CTNNA2: variants seen among roughly 807,000 people sequenced by gnomAD.
CTNNA2 encodes the protein catenin alpha 2.
A neutral mutation model predicts 101.0 loss-of-function variants in CTNNA2; 42 were observed. The ratio of observed to expected loss-of-function variants is 0.42; its 90% CI spans 0.32 to 0.54. The LOEUF (loss-of-function observed/expected upper bound fraction) is 0.54. Among genes scored for constraint, CTNNA2 ranks in the 20% least tolerant of loss-of-function variants. The probability of loss-of-function intolerance (pLI) is 0.14; values close to 1 mark genes in which losing one functional copy is unlikely to be tolerated. For synonymous variants in CTNNA2, 450 were observed against 456.4 expected (o/e 0.99, Z 0.18); for missense variants, 871 against 1,223.1 (o/e 0.71, Z 4.29).
chr2:79,867,232 C>G (rs1438129205), intron 4 of CTNNA2, among the ~76,000 whole-genome samples: 2 of 152,150 alleles, frequency 1.3e-5, no homozygotes, highest in Non-Finnish European at 2.9e-5. Flanking sequence ...AAATCCTTGA[C>G]TGTTCAAAAA....
chr2:79,415,567 G>A (rs1678469936), intron 4 of CTNNA2, among the ~76,000 whole-genome samples: 1 of 152,082 alleles, frequency 6.6e-6, no homozygotes, highest in South Asian at 2.1e-4. Flanking sequence ...TCATCCTTAT[G>A]TCACATAAAC....
chr2:79,405,294 G>C (rs972041453), intron 4 of CTNNA2, among the ~76,000 whole-genome samples: 2 of 151,994 alleles, frequency 1.3e-5, no homozygotes, highest in Admixed American at 1.3e-4. Flanking sequence ...AGGGTCAGGT[G>C]AGACTGCAGC....
intron 7 of CTNNA2, among the ~76,000 whole-genome samples, chr2:79,982,879 T>C (rs184025347): frequency 6.6e-6 from 1 of 152,244 alleles, no homozygotes; most frequent in Admixed American, 6.5e-5. Context: ...CAAATTTGAC[T>C]GATGGATTAA....
At chr2:80,347,838 C>CTTTTTTTTTTTT (rs778989197) in intron 7 of CTNNA2, among the ~76,000 whole-genome samples, 1 of 146,786 alleles carries the variant, frequency 6.8e-6, no homozygotes. Flanking sequence ...TTTTTCTTTT[C>CTTTTTTTTTTTT]TTTTCTTTTT....
In CTNNA2 at chr2:79,492,383, T is replaced by C. The variant is rs549755446; in HGVS notation, c.-134-12671T>C. Among the ~76,000 whole-genome samples, 13 of 152,020 alleles carry C rather than the reference T, an allele frequency of 8.6e-5. No individual in the cohort carries two copies. In the East Asian group the frequency reaches 2.5e-3, roughly 29 times the overall value. On this transcript the variant is annotated intron_variant, in intron 4 of 21. Transcript: ENST00000466387. ...CATTTATAAGAATTATATAATAATATGGTAGATTTTCTATCTAATCAGACA... is the reference window on the plus strand; with the variant it reads ...CATTTATAAGAATTATATAATAATACGGTAGATTTTCTATCTAATCAGACA...
chr2:79,375,645 T>C (rs1677962689), intron 4 of CTNNA2, among the ~76,000 whole-genome samples: 1 of 152,174 alleles, frequency 6.6e-6, no homozygotes, highest in Admixed American at 6.5e-5. Flanking sequence ...AAATGAATGA[T>C]ATTAAAGAAA....
chr2:80,061,443 A>G (rs1425548052), intron 7 of CTNNA2, among the ~76,000 whole-genome samples: 1 of 152,192 alleles, frequency 6.6e-6, no homozygotes, highest in East Asian at 1.9e-4. Context: ...ACAATGAGCA[A>G]CTAACATTAT....
intron 7 of CTNNA2, among the ~76,000 whole-genome samples, chr2:80,360,698 A>G (rs1432805120): frequency 2.0e-5 from 3 of 152,116 alleles, no homozygotes; most frequent in Non-Finnish European, 4.4e-5. Context: ...CTAGAACAGA[A>G]GTACAAGTGA....
chr2:79,730,794 A>C (rs904905612), intron 2 of CTNNA2, among the ~76,000 whole-genome samples: 1 of 152,030 alleles, frequency 6.6e-6, no homozygotes, highest in Middle Eastern at 3.2e-3. Flanking sequence ...TACACAGGAC[A>C]CAAATATAGG....
chr2:80,587,067 G>A (rs1223641262), intron 14 of CTNNA2, among the ~76,000 whole-genome samples: 1 of 152,138 alleles, frequency 6.6e-6, no homozygotes, highest in African/African-American at 2.4e-5. Context: ...TGATGATCCA[G>A]TTGTGTAGAG....
chr2:80,574,158 C>T lies in CTNNA2; in HGVS notation c.1742-5C>T. ...CTAATCCTCTGCTTTTTATTTTTAACCCAGTGATGCCACGCTTCGCTGAAC... is the reference window on the plus strand; with the variant it reads ...CTAATCCTCTGCTTTTTATTTTTAATCCAGTGATGCCACGCTTCGCTGAAC... On this transcript the variant is annotated splice_polypyrimidine_tract_variant and splice_region_variant and intron_variant, in intron 12 of 18. Coordinates refer to ENST00000402739, the MANE Select transcript of CTNNA2 (RefSeq NM_001282597.3). 6.2e-7 allele frequency: 1 copy of T among 1,607,776 alleles called. No homozygotes were observed. The highest frequency in any genetic ancestry group is 8.5e-7 in the Non-Finnish European group (1 of 1,176,132).
intron 7 of CTNNA2, among the ~76,000 whole-genome samples, chr2:80,356,581 G>C (rs532340280): frequency 6.6e-6 from 1 of 152,280 alleles, no homozygotes; most frequent in Non-Finnish European, 1.5e-5. Flanking sequence ...ACCAAGGTTT[G>C]AGAGTGCAGA....
In CTNNA2 at chr2:80,393,230, G is replaced by C. The variant is rs373365115; in HGVS notation, c.1076G>C (p.Gly359Ala). ...YMNNTGRKEK[G>A]DPLNIAIDKM... ...TAATAGACTGGAAGGAAAGAAAAAG[G>C]AGATCCTCTCAACATTGCGATTGAT... The change falls in exon 8 of 19, where the codon GGA becomes GCA. Residue 359 changes from glycine (G) to alanine (A), a missense_variant. By Grantham distance (60) the Gly-to-Ala change is moderately conservative. Coordinates refer to ENST00000402739, the MANE Select transcript of CTNNA2 (RefSeq NM_001282597.3). 12 of 1,608,906 alleles carry C rather than the reference G, an allele frequency of 7.5e-6. No homozygotes were observed. In the African/African-American group the frequency reaches 1.5e-4, roughly 20 times the overall value.
chr2:80,541,426 C>A (rs552450467), intron 9 of CTNNA2, among the ~76,000 whole-genome samples: 1 of 152,128 alleles, frequency 6.6e-6, no homozygotes, highest in South Asian at 2.1e-4. Flanking sequence ...TTTTGCCAAG[C>A]ATTGCTAGCT....
intron 7 of CTNNA2, among the ~76,000 whole-genome samples, chr2:80,283,728 G>T (rs1573593472): frequency 6.6e-6 from 1 of 152,034 alleles, no homozygotes; most frequent in Admixed American, 6.6e-5. Flanking sequence ...GTGCCCCTGT[G>T]CTCTCTTAGA....
At chr2:80,393,111 G>C in intron 7 of CTNNA2, 100 bp from the exon 8 acceptor site, 1 of 835,216 alleles carries the variant, frequency 1.2e-6, no homozygotes. Context: ...TTAAAAAATT[G>C]TTTGAATTTA....
chr2:80,423,267 C>A (rs1024678314), intron 9 of CTNNA2, among the ~76,000 whole-genome samples: 19 of 151,934 alleles, frequency 1.3e-4, no homozygotes, highest in African/African-American at 4.6e-4. Flanking sequence ...AATGGATAAT[C>A]ATGTCATTAA....
At chr2:79,692,024 G>A (rs1054476517) in intron 2 of CTNNA2, among the ~76,000 whole-genome samples, 11 of 152,072 alleles carry the variant, frequency 7.2e-5, no homozygotes, top group African/African-American at 2.7e-4. Context: ...TTGACAAATG[G>A]GATCTAATTA....
At chr2:79,563,161 G>GTATATATATATATA (rs71385287) in intron 1 of CTNNA2, among the ~76,000 whole-genome samples, 15 of 78,616 alleles carry the variant, frequency 1.9e-4, no homozygotes, top group African/African-American at 6.6e-4. Context: ...ATAAAGATGT[G>GTATATATATATATA]TATATATATA....
Sources: allele counts gnomAD v4.1 joint callset (sites outside exome capture counted in the v4.1 genomes callset), GRCh38; gene constraint gnomAD v4.1.1; transcripts MANE v1.5; gene names NCBI Gene and HGNC (gene_info 2026-07-23, HGNC 2026-07-21).